The following MYO9A variants were observed in gnomAD, a reference collection of about 807,000 sequenced individuals.
MYO9A encodes myosin IXA, also known as unconventional myosin-IXa.
Under a neutral mutation model 293.3 loss-of-function variants are expected in MYO9A, and 103 were observed. The observed-to-expected ratio is 0.35, with a 90% CI of 0.30 to 0.41. The LOEUF (loss-of-function observed/expected upper bound fraction) is 0.41, where lower values mean the gene tolerates loss of function less well. MYO9A is among the 10% of genes least tolerant of loss of function. The probability of loss-of-function intolerance (pLI) is 1.00; values close to 1 mark genes in which losing one functional copy is unlikely to be tolerated. For synonymous variants in MYO9A, 1,001 were observed against 1,035.7 expected, an observed-to-expected ratio of 0.97 and a Z score of 0.64; for missense variants, 2,685 against 3,033.0, an observed-to-expected ratio of 0.89 and a Z score of 2.69.
chr15:72,047,744 AT>A (rs1230547092), intron 1 of MYO9A, among the ~76,000 whole-genome samples: 1 of 151,060 alleles, frequency 6.6e-6, no homozygotes, highest in Non-Finnish European at 1.5e-5. Flanking sequence ...TATTAAAAAA[AT>A]AATAAGAAGA....
At chr15:71,852,376 T>C (rs2055688700) in intron 35 of MYO9A, 116 bp from the exon 36 acceptor site, 1 of 1,131,168 alleles carries the variant, frequency 8.8e-7, no homozygotes, top group Non-Finnish European at 1.2e-6. Context: ...TTTTTTTTTT[T>C]TTTTGAGATG....
At position 71,900,014 on chromosome 15, in the gene MYO9A, G is replaced by A. The variant is rs561798396; in HGVS notation, c.3151-8C>T. 7 of 1,592,058 alleles carry A rather than the reference G, an allele frequency of 4.4e-6. No homozygotes were observed. The East Asian group carries it at 1.1e-4, about 26-fold the overall frequency. On this transcript the variant is annotated splice_region_variant and splice_polypyrimidine_tract_variant and intron_variant, in intron 23 of 41. Coordinates refer to ENST00000356056, the MANE Select transcript of MYO9A (RefSeq NM_006901.4). ...GTAATTCCTCCAGAATCTCTATGGG[G>A]AAGACAAAATAACAGAAACTGGTTG...
At chr15:72,103,758 AAAAC>A (rs1407461410) in intron 1 of MYO9A, among the ~76,000 whole-genome samples, 6 of 152,270 alleles carry the variant, frequency 3.9e-5, no homozygotes, top group African/African-American at 1.2e-4. Flanking sequence ...ATGAAGTTCA[AAAAC>A]AAGGAAAACT....
intron 1 of MYO9A, among the ~76,000 whole-genome samples, chr15:72,068,298 T>C (rs1047327714): frequency 1.3e-5 from 2 of 152,104 alleles, no homozygotes; most frequent in African/African-American, 4.8e-5. Flanking sequence ...CTAATTTTTT[T>C]AAAAAAAGCT....
intron 7 of MYO9A, among the ~76,000 whole-genome samples, chr15:72,010,128 T>C (rs1025695970): frequency 6.6e-6 from 1 of 152,176 alleles, no homozygotes; most frequent in African/African-American, 2.4e-5. Context: ...TATATGCAAA[T>C]TGTTAAGGAT....
rs80065751 is a variant in MYO9A at position 72,064,198 on chromosome 15, G to C, written c.-71-17564C>G. 1.6e-3 allele frequency among the ~76,000 whole-genome samples: 247 copies of C among 152,208 alleles called. 6 individuals are homozygous for C. In the East Asian group the frequency reaches 0.025, roughly 15 times the overall value. On this transcript the variant is annotated intron_variant, in intron 1 of 41. Transcript: ENST00000356056. ...TAAAGGGGCGGAGGAAAGTGGGGAT[G>C]GTTAATGGGTATAAAAATATAGTTA...
At chr15:71,915,424 T>C (rs1182031817) in intron 19 of MYO9A, among the ~76,000 whole-genome samples, 4 of 151,748 alleles carry the variant, frequency 2.6e-5, no homozygotes, top group African/African-American at 9.6e-5. Context: ...TGCTTTTTCA[T>C]TTCTTTTTTT....
chr15:71,962,125 G>A (rs1285452575), intron 13 of MYO9A, among the ~76,000 whole-genome samples: 1 of 152,098 alleles, frequency 6.6e-6, no homozygotes, highest in Non-Finnish European at 1.5e-5. Context: ...TAAGAAAATG[G>A]GTTAAAATGC....
At chr15:71,859,195 A>G (rs1297668599) in intron 34 of MYO9A, among the ~76,000 whole-genome samples, 4 of 152,274 alleles carry the variant, frequency 2.6e-5, no homozygotes, top group Admixed American at 6.5e-5. Flanking sequence ...TGATTAATGA[A>G]TAAGAAAATG....
intron 11 of MYO9A, among the ~76,000 whole-genome samples, chr15:71,987,210 TCATACA>T (rs2076429027): frequency 6.6e-6 from 1 of 152,164 alleles, no homozygotes; most frequent in Non-Finnish European, 1.5e-5. Flanking sequence ...AGGATGATGT[TCATACA>T]ACAGCAAAAT....
intron 1 of MYO9A, among the ~76,000 whole-genome samples, chr15:72,068,486 C>CT (rs11345971): frequency 7.4e-4 from 107 of 144,572 alleles, no homozygotes; most frequent in African/African-American, 2.3e-3. Flanking sequence ...CCCAATTTCT[C>CT]TTTTTTTTTT....
At chr15:72,065,515 CAA>C (rs780113322) in intron 1 of MYO9A, among the ~76,000 whole-genome samples, 7 of 56,582 alleles carry the variant, frequency 1.2e-4, no homozygotes, top group Admixed American at 3.9e-4. Context: ...AACTCCGTCT[CAA>C]AAAAAAAAAA....
chr15:72,010,864 C>CCTAT (rs2148955310), intron 6 of MYO9A, among the ~76,000 whole-genome samples: 1 of 152,086 alleles, frequency 6.6e-6, no homozygotes, highest in African/African-American at 2.4e-5. Flanking sequence ...AAGTGCCTAC[C>CCTAT]CTATGTAAGG....
intron 18 of MYO9A, among the ~76,000 whole-genome samples, chr15:71,931,809 T>C (rs1015079373): frequency 6.6e-6 from 1 of 152,218 alleles, no homozygotes; most frequent in Non-Finnish European, 1.5e-5. Flanking sequence ...GATAACCTAA[T>C]AGCTTCTCCC....
In MYO9A at chr15:71,852,366, T is replaced by TG; in HGVS notation, c.6347-107_6347-106insC. On this transcript the variant is annotated intron_variant, in intron 35 of 41. Coordinates refer to ENST00000356056, the MANE Select transcript of MYO9A (RefSeq NM_006901.4). ...TTAAAGGAAGGCTTCATGTTTCTTT[T>TG]TTTTTTTTTTTTTTGAGATGGAGTT... The TG allele has an allele frequency of 9.8e-6, 10 of 1,017,694 alleles. No homozygotes were observed. The East Asian group carries it at 3.4e-4, about 35-fold the overall frequency. The allele number at this position is 1,017,694 out of a possible 1,614,324, so 63.0% of individuals were successfully genotyped here. A position where few individuals can be genotyped will look rare whatever the true frequency, so the allele number is the denominator to read the frequency against.
intron 14 of MYO9A, among the ~76,000 whole-genome samples, chr15:71,957,668 A>C (rs190589801): frequency 6.6e-6 from 1 of 152,294 alleles, no homozygotes; most frequent in East Asian, 1.9e-4. Flanking sequence ...GAAGTACATC[A>C]GAGTTACATA....
chr15:71,961,628 G>A (rs1334075944), intron 13 of MYO9A, among the ~76,000 whole-genome samples: 1 of 152,184 alleles, frequency 6.6e-6, no homozygotes, highest in Non-Finnish European at 1.5e-5. Context: ...CACAATAAGT[G>A]GAAGAGCAAG....
rs893772664 is a variant in MYO9A at position 71,953,385 on chromosome 15, A to T, written c.2183-1489T>A. On this transcript the variant is annotated intron_variant, in intron 14 of 41. Transcript: ENST00000356056. ...CAGACTCCATTCAAATTGTAAATTGAAGAAGTTATCACTAAACAATCACGC... is the reference window on the plus strand; with the variant it reads ...CAGACTCCATTCAAATTGTAAATTGTAGAAGTTATCACTAAACAATCACGC... Among the ~76,000 whole-genome samples the T allele has an allele frequency of 3.3e-5, 5 of 152,358 alleles. No homozygotes were observed. The South Asian group carries it at 1.0e-3, about 32-fold the overall frequency.
chr15:72,079,191 G>A (rs1183248944), intron 1 of MYO9A, among the ~76,000 whole-genome samples: 1 of 152,052 alleles, frequency 6.6e-6, no homozygotes, highest in Non-Finnish European at 1.5e-5. Context: ...CTAAACAATA[G>A]GGGAAACTGT....
Sources: allele counts gnomAD v4.1 joint callset (sites outside exome capture counted in the v4.1 genomes callset), GRCh38; gene constraint gnomAD v4.1.1; transcripts MANE v1.5; gene names NCBI Gene and HGNC (gene_info 2026-07-23, HGNC 2026-07-21).